PCDHA2: variants seen among roughly 807,000 people sequenced by gnomAD.
The protein encoded by PCDHA2 is protocadherin alpha 2.
In PCDHA2, 58 loss-of-function variants were observed where a neutral mutation model predicts 66.0. That is an observed-to-expected ratio of 0.88 (90% CI 0.71 to 1.09). PCDHA2 has a LOEUF of 1.09. Ranked by LOEUF, PCDHA2 falls within the 50% of genes least tolerant of loss-of-function variation. PCDHA2 has a pLI of 0.00. For missense variants in PCDHA2, 1,267 were observed against 1,242.3 expected (o/e 1.02, Z -0.30); for synonymous variants, 634 against 554.0 (o/e 1.14, Z -2.03).
chr5:140,849,263 T>C, intron 1 of PCDHA2: 3 of 1,126,864 alleles, frequency 2.7e-6, no homozygotes, highest in African/African-American at 1.9e-5. Context: ...AAAACGTTTC[T>C]ATCGGAACGC....
rs1554148289 is a variant in PCDHA2, at chr5:140,856,164, G to A, written c.2388+58812G>A. 5.0e-6 allele frequency: 8 copies of A among 1,598,390 alleles called. 1 individual carries two copies. Among genetic ancestry groups the A allele is most frequent in the Non-Finnish European group, 6.8e-6 (8 of 1,167,930 alleles). On this transcript the variant is annotated intron_variant, in intron 1 of 3. Coordinates refer to ENST00000526136, the MANE Select transcript of PCDHA2 (RefSeq NM_018905.3). ...CACTACTCAGTCTACGAGGAGGCCA[G>A]ACACGGCACCTTCGTGGGCCGCATC...
At chr5:140,843,673 T>C (rs1779033196) in intron 1 of PCDHA2, 1 of 1,592,546 alleles carries the variant, frequency 6.3e-7, no homozygotes, top group South Asian at 1.1e-5. Flanking sequence ...GATCAGTTGA[T>C]GTAGGCGAAG....
chr5:140,815,095 C>T (rs1032162122), intron 1 of PCDHA2: 1 of 152,032 alleles, frequency 6.6e-6, no homozygotes, highest in Non-Finnish European at 1.5e-5. Context: ...TAAAGCAAAT[C>T]TCTTGTAGTT....
At chr5:140,809,031 C>G (rs1554124952) in intron 1 of PCDHA2, 2 of 1,613,858 alleles carry the variant, frequency 1.2e-6, no homozygotes, top group Non-Finnish European at 1.7e-6. Context: ...CAGCCGGGGA[C>G]TGGTGGCGCG....
intron 1 of PCDHA2, among the ~76,000 whole-genome samples, chr5:140,900,759 A>G (rs1419646582): frequency 6.6e-6 from 1 of 152,044 alleles, no homozygotes; most frequent in Non-Finnish European, 1.5e-5. Context: ...TGGTAGCTCT[A>G]TTTTTGGCTT....
intron 1 of PCDHA2, chr5:140,858,226 C>G (rs782380359): frequency 1.3e-6 from 2 of 1,595,414 alleles, no homozygotes; most frequent in Admixed American, 1.7e-5. Context: ...CGGCGCCCAC[C>G]GAGGGCGCAT....
chr5:140,834,254 G>T (rs1019839548), intron 1 of PCDHA2: 1 of 927,248 alleles, frequency 1.1e-6, no homozygotes, highest in Non-Finnish European at 1.6e-6. Context: ...CTGGAAAGAC[G>T]CTCCACTCTC....
intron 1 of PCDHA2, among the ~76,000 whole-genome samples, chr5:140,972,062 A>G (rs1398109338): frequency 6.6e-6 from 1 of 152,246 alleles, no homozygotes; most frequent in Admixed American, 6.5e-5. Flanking sequence ...AGTCGTATAT[A>G]TTAACTGCTT....
At chr5:140,975,562 A>T (rs1445534188) in intron 1 of PCDHA2, among the ~76,000 whole-genome samples, 2 of 152,206 alleles carry the variant, frequency 1.3e-5, no homozygotes, top group African/African-American at 4.8e-5. Flanking sequence ...GGAAAAGGAG[A>T]TATTATATGC....
At chr5:140,870,293 T>C in intron 1 of PCDHA2, 1 of 1,614,182 alleles carries the variant, frequency 6.2e-7, no homozygotes, top group Non-Finnish European at 8.5e-7. Context: ...TTCAAGCTGG[T>C]GTCCACCTTC....
At chr5:140,939,089 A>C (rs1048123737) in intron 1 of PCDHA2, among the ~76,000 whole-genome samples, 11 of 152,204 alleles carry the variant, frequency 7.2e-5, no homozygotes, top group Non-Finnish European at 1.2e-4. Context: ...TGGGTGGCTT[A>C]AAAACAATAG....
At chr5:140,909,269 A>G (rs1554193726) in intron 1 of PCDHA2, among the ~76,000 whole-genome samples, 1 of 152,240 alleles carries the variant, frequency 6.6e-6, no homozygotes, top group Admixed American at 6.5e-5. Context: ...CTGAAGGCAA[A>G]TTGCTTCTGG....
chr5:140,858,366 G>C, intron 1 of PCDHA2: 1 of 1,590,950 alleles, frequency 6.3e-7, no homozygotes, highest in Admixed American at 1.7e-5. Context: ...TTCAGCCCCA[G>C]CCTTCCACCA....
At chr5:140,913,181 T>C (rs2076246657) in intron 1 of PCDHA2, among the ~76,000 whole-genome samples, 1 of 152,208 alleles carries the variant, frequency 6.6e-6, no homozygotes, top group Admixed American at 6.5e-5. Flanking sequence ...TCTTTAAATG[T>C]TTGGTAGAAT....
intron 1 of PCDHA2, chr5:140,825,364 A>G (rs1554130202): frequency 6.8e-6 from 1 of 147,296 alleles, no homozygotes; most frequent in Non-Finnish European, 1.5e-5. Context: ...TATTAGATAT[A>G]TAAATATCTA....
intron 3 of PCDHA2, among the ~76,000 whole-genome samples, chr5:140,999,676 C>T: frequency 6.6e-6 from 1 of 152,086 alleles, no homozygotes; most frequent in East Asian, 1.9e-4. Flanking sequence ...GGGGGGCTCA[C>T]AGAAAGAAGA....
chr5:140,879,589 A>G (rs2058049274), intron 1 of PCDHA2, among the ~76,000 whole-genome samples: 1 of 152,214 alleles, frequency 6.6e-6, no homozygotes, highest in South Asian at 2.1e-4. Context: ...CAGACATTGA[A>G]AAGTGAAAAA....
rs2150455221 is a variant in PCDHA2 at position 140,849,869 on chromosome 5, C to T, written c.2388+52517C>T. 12 of 1,598,574 alleles carry T rather than the reference C, an allele frequency of 7.5e-6. No homozygotes were observed. In the South Asian group the frequency reaches 8.8e-5, roughly 12 times the overall value. ...ACAACGCACCAGCGTTCGCGCAGTC[C>T]GAGTACACGGTGTTCGTGAAGGAGA... On this transcript the variant is annotated intron_variant, in intron 1 of 3. Transcript: ENST00000526136.
chr5:140,823,620 C>A, intron 1 of PCDHA2: 3 of 1,614,040 alleles, frequency 1.9e-6, no homozygotes, highest in South Asian at 1.1e-5. Context: ...CAGCGCCTGG[C>A]AGTGCGCGCA....
Sources: gnomAD v4.1 joint callset for allele counts (sites outside exome capture counted in the v4.1 genomes callset) on GRCh38, gnomAD v4.1.1 for gene constraint, MANE v1.5 for transcripts, NCBI Gene and HGNC (gene_info 2026-07-23, HGNC 2026-07-21) for gene names.